DPP10: variants seen among roughly 807,000 people sequenced by gnomAD.
DPP10 encodes inactive dipeptidyl peptidase 10.
In DPP10, 33 loss-of-function variants were observed where a neutral mutation model predicts 120.9. That is an observed-to-expected ratio of 0.27 (90% CI 0.21 to 0.37). DPP10 has a LOEUF of 0.37. Ranked by LOEUF, DPP10 falls within the 10% of genes least tolerant of loss-of-function variation. DPP10 has a pLI of 1.00. For synonymous variants in DPP10, 337 were observed against 326.1 expected, an observed-to-expected ratio of 1.03 and a Z score of -0.36; for missense variants, 816 against 942.8, an observed-to-expected ratio of 0.87 and a Z score of 1.76.
Position 114,638,299 on chromosome 2 carries a change from A to T in DPP10, c.60+195461A>T, listed in dbSNP as rs553811896. Among the ~76,000 whole-genome samples, 11 of 151,946 alleles carry T rather than the reference A, an allele frequency of 7.2e-5. No individual in the cohort carries two copies. In the East Asian group the frequency reaches 1.7e-3, roughly 24 times the overall value. On this transcript the variant is annotated intron_variant, in intron 1 of 25. Transcript: ENST00000410059. ...CAGTTTGAACATTATTCGTCTAAAG[A>T]AATGCTACTGATTTCTGCACAACAA... is the stretch of plus-strand genomic sequence containing the variant.
chr2:114,956,430 G>T (rs1698204281), intron 1 of DPP10, among the ~76,000 whole-genome samples: 1 of 151,684 alleles, frequency 6.6e-6, no homozygotes, highest in South Asian at 2.1e-4. Context: ...TTAAAACATT[G>T]ATGAAAAACA....
chr2:115,534,867 G>A (rs2078707386), intron 5 of DPP10, among the ~76,000 whole-genome samples: 1 of 152,002 alleles, frequency 6.6e-6, no homozygotes, highest in Non-Finnish European at 1.5e-5. Flanking sequence ...GGCCAGTGAT[G>A]GTGAGCGTTT....
chr2:114,451,359 T>A (rs1244332710), intron 1 of DPP10, among the ~76,000 whole-genome samples: 4 of 152,052 alleles, frequency 2.6e-5, no homozygotes, highest in African/African-American at 9.7e-5. Flanking sequence ...GTTTGGAGGG[T>A]GATAGCTTTT....
chr2:115,169,870 A>G (rs1257543702), intron 1 of DPP10, among the ~76,000 whole-genome samples: 11 of 152,188 alleles, frequency 7.2e-5, no homozygotes, highest in Non-Finnish European at 1.6e-4. Context: ...AAAGATAGCA[A>G]ATGAAGAAAA....
intron 1 of DPP10, among the ~76,000 whole-genome samples, chr2:114,803,997 G>A (rs1231297913): frequency 3.9e-5 from 6 of 152,176 alleles, no homozygotes; most frequent in African/African-American, 1.4e-4. Context: ...AGGAAAAAGT[G>A]GTCTTATGGG....
chr2:115,341,985 GATA>G (rs1272180813), intron 2 of DPP10, among the ~76,000 whole-genome samples: 2 of 152,120 alleles, frequency 1.3e-5, no homozygotes, highest in Non-Finnish European at 2.9e-5. Flanking sequence ...TGGATTGTAT[GATA>G]ATAATTTGTT....
chr2:114,750,524 G>A (rs1031293355), intron 1 of DPP10, among the ~76,000 whole-genome samples: 3 of 152,044 alleles, frequency 2.0e-5, no homozygotes, highest in Non-Finnish European at 4.4e-5. Context: ...TAGTAGAGAC[G>A]GGGTTTCACC....
Position 115,815,697 on chromosome 2 carries a change from A to G in DPP10, c.1918A>G (p.Ile640Val), listed in dbSNP as rs1687151420. ...CAGATTTTTGCTGAAACTGCCTTAC[A>G]TTGACTCCAAAAGATTAAGCATTTT... Reference protein sequence around the residue: ...AVKFLLKLPYIDSKRLSIFGK... With the variant: ...AVKFLLKLPYVDSKRLSIFGK... The change falls in exon 21 of 26, where the codon ATT (isoleucine) becomes GTT (valine). Residue 640 changes from isoleucine to valine, a missense_variant. Transcript: ENST00000410059. 1.2e-6 allele frequency: 2 copies of G among 1,601,802 alleles called. No homozygotes were observed. Among genetic ancestry groups the G allele is most frequent in the Non-Finnish European group, 1.7e-6 (2 of 1,173,224 alleles).
intron 1 of DPP10, among the ~76,000 whole-genome samples, chr2:114,522,601 G>A (rs730259): frequency 6.6e-6 from 1 of 151,990 alleles, no homozygotes; most frequent in Admixed American, 6.6e-5. Context: ...ATCAGCAACT[G>A]GGGGAAGCAG....
intron 1 of DPP10, among the ~76,000 whole-genome samples, chr2:115,229,128 G>C (rs893717961): frequency 1.3e-5 from 2 of 152,150 alleles, no homozygotes; most frequent in African/African-American, 4.8e-5. Flanking sequence ...CTGATGATCA[G>C]TGATGTTGAG....
chr2:115,735,875 T>A (rs2149675244), intron 8 of DPP10, among the ~76,000 whole-genome samples: 1 of 152,038 alleles, frequency 6.6e-6, no homozygotes, highest in African/African-American at 2.4e-5. Context: ...CAGTTTTCCA[T>A]CGACCAGTAC....
chr2:115,761,267 T>C (rs1575704535), intron 11 of DPP10, among the ~76,000 whole-genome samples: 2 of 152,168 alleles, frequency 1.3e-5, no homozygotes, highest in South Asian at 2.1e-4. Context: ...AAAGTAAAAA[T>C]TTAAAAATTA....
At chr2:114,617,366 G>A (rs116593858) in intron 1 of DPP10, among the ~76,000 whole-genome samples, 131 of 152,122 alleles carry the variant, frequency 8.6e-4, no homozygotes, top group Non-Finnish European at 1.4e-3. Flanking sequence ...AGAGTTTATA[G>A]CTTATATGTA....
intron 1 of DPP10, among the ~76,000 whole-genome samples, chr2:114,878,505 C>G (rs1420379566): frequency 6.6e-6 from 1 of 152,060 alleles, no homozygotes; most frequent in East Asian, 1.9e-4. Flanking sequence ...CTCTACTGTG[C>G]TATAGAACAC....
intron 5 of DPP10, among the ~76,000 whole-genome samples, chr2:115,552,530 T>G (rs760079485): frequency 6.6e-6 from 1 of 152,100 alleles, no homozygotes; most frequent in African/African-American, 2.4e-5. Flanking sequence ...TCATCTCCCC[T>G]TTTATCTTGG....
chr2:115,570,968 G>A (rs2081303456), intron 5 of DPP10, among the ~76,000 whole-genome samples: 1 of 152,140 alleles, frequency 6.6e-6, no homozygotes, highest in African/African-American at 2.4e-5. Flanking sequence ...GACGGAGAGG[G>A]GAGTCGGTGG....
chr2:115,387,218 A>G (rs1280325859), intron 3 of DPP10, among the ~76,000 whole-genome samples: 3 of 152,108 alleles, frequency 2.0e-5, no homozygotes, highest in East Asian at 3.9e-4. Flanking sequence ...GTTTCTAGCA[A>G]TAGAAGGCTC....
At chr2:115,830,423 T>A (rs1245768604) in intron 21 of DPP10, among the ~76,000 whole-genome samples, 1 of 152,128 alleles carries the variant, frequency 6.6e-6, no homozygotes, top group Non-Finnish European at 1.5e-5. Context: ...TATAAACATT[T>A]TTTTTTAGAA....
intron 1 of DPP10, among the ~76,000 whole-genome samples, chr2:114,667,013 T>A (rs2105600770): frequency 6.6e-6 from 1 of 152,332 alleles, no homozygotes; most frequent in Middle Eastern, 3.4e-3. Flanking sequence ...ATTGGTAATT[T>A]CTTTACTGGC....
Sources: gnomAD v4.1 joint callset for allele counts (sites outside exome capture counted in the v4.1 genomes callset) on GRCh38, gnomAD v4.1.1 for gene constraint, MANE v1.5 for transcripts, NCBI Gene and HGNC (gene_info 2026-07-23, HGNC 2026-07-21) for gene names.